ATOSA: variants seen among roughly 807,000 people sequenced by gnomAD.
ATOSA encodes the protein atos homolog A, also known as atos homolog protein A.
the ATOSA span, chr15:52,651,806 G>A: frequency 6.7e-7 from 1 of 1,481,744 alleles, no homozygotes; most frequent in South Asian, 1.2e-5. Flanking sequence ...CAGCCAACTG[G>A]TAAACAGCTA....
At chr15:52,609,783 A>G in the ATOSA span, 1 of 1,613,218 alleles carries the variant, frequency 6.2e-7, no homozygotes, top group Non-Finnish European at 8.5e-7. Context: ...AATGTTGGGC[A>G]ATTCTTGCAA....
the ATOSA span, among the ~76,000 whole-genome samples, chr15:52,645,162 G>A: frequency 3.9e-5 from 6 of 152,246 alleles, no homozygotes; most frequent in Non-Finnish European, 7.3e-5. Flanking sequence ...AATGAGGTCA[G>A]GCGCAGTGGC....
At chr15:52,662,631 A>G in the ATOSA span, among the ~76,000 whole-genome samples, 12 of 150,490 alleles carry the variant, frequency 8.0e-5, no homozygotes, top group East Asian at 3.9e-4. Context: ...TTAGCAGGGC[A>G]CGGTGGCGGG....
At chr15:52,669,591 C>T in the ATOSA span, among the ~76,000 whole-genome samples, 2 of 152,166 alleles carry the variant, frequency 1.3e-5, no homozygotes, top group African/African-American at 4.8e-5. Flanking sequence ...GATACTGACG[C>T]TAAATTAATT....
At chr15:52,675,363 A>T in the ATOSA span, among the ~76,000 whole-genome samples, 1 of 152,168 alleles carries the variant, frequency 6.6e-6, no homozygotes, top group Non-Finnish European at 1.5e-5. Context: ...CCTTCCATAA[A>T]AACAGCCAAT....
At chr15:52,647,214 C>T in the ATOSA span, among the ~76,000 whole-genome samples, 1 of 147,334 alleles carries the variant, frequency 6.8e-6, no homozygotes, top group Non-Finnish European at 1.5e-5. Flanking sequence ...CACCTTCCAG[C>T]AAATTGGAGG....
the ATOSA span, among the ~76,000 whole-genome samples, chr15:52,655,711 GA>G: frequency 2.6e-5 from 4 of 152,084 alleles, no homozygotes; most frequent in African/African-American, 9.7e-5. Context: ...AGGGATAGGG[GA>G]TAATGTTCAG....
At chr15:52,646,712 A>G in the ATOSA span, among the ~76,000 whole-genome samples, 8 of 152,214 alleles carry the variant, frequency 5.3e-5, no homozygotes, top group African/African-American at 1.7e-4. Context: ...TTTAAGCCTC[A>G]ATTTTTAAAT....
At chr15:52,588,982 G>A in the ATOSA span, among the ~76,000 whole-genome samples, 1 of 152,184 alleles carries the variant, frequency 6.6e-6, no homozygotes, top group Non-Finnish European at 1.5e-5. Context: ...GAAGTAAAAA[G>A]GAGTGGATAA....
chr15:52,629,158 G>C, the ATOSA span, among the ~76,000 whole-genome samples: 1 of 152,006 alleles, frequency 6.6e-6, no homozygotes, highest in African/African-American at 2.4e-5. Flanking sequence ...TTTAACTAAA[G>C]GTTTTTTAAA....
At chr15:52,586,599 G>A in the ATOSA span, 2 of 152,452 alleles carry the variant, frequency 1.3e-5, no homozygotes, top group Non-Finnish European at 2.9e-5. Context: ...CCTAGACCAG[G>A]GATGATGAAG....
the ATOSA span, among the ~76,000 whole-genome samples, chr15:52,639,240 A>G: frequency 1.3e-5 from 2 of 152,200 alleles, no homozygotes; most frequent in East Asian, 1.9e-4. Context: ...TGCTAATTCT[A>G]TAATATCATC....
At chr15:52,693,833 A>C in the ATOSA span, among the ~76,000 whole-genome samples, 1 of 152,330 alleles carries the variant, frequency 6.6e-6, no homozygotes, top group Middle Eastern at 3.4e-3. Flanking sequence ...ACACATAAAA[A>C]CTAATACCAA....
the ATOSA span, chr15:52,600,030 T>A: frequency 5.7e-6 from 3 of 525,272 alleles, no homozygotes; most frequent in Non-Finnish European, 1.0e-5. Context: ...CAATTATTTC[T>A]TTCCTTTTCA....
the ATOSA span, among the ~76,000 whole-genome samples, chr15:52,583,333 G>A: frequency 6.6e-6 from 1 of 152,210 alleles, no homozygotes; most frequent in African/African-American, 2.4e-5. Context: ...TAACCAGAGA[G>A]GGTTGAATCT....
At chr15:52,637,853 G>A in the ATOSA span, among the ~76,000 whole-genome samples, 2 of 152,088 alleles carry the variant, frequency 1.3e-5, no homozygotes, top group South Asian at 2.1e-4. Context: ...CTATAAGATG[G>A]AAGCTCTCCC....
chr15:52,709,359 T>C, the ATOSA span, among the ~76,000 whole-genome samples: 4 of 152,202 alleles, frequency 2.6e-5, no homozygotes, highest in Non-Finnish European at 5.9e-5. Flanking sequence ...TTTAATGTAG[T>C]AGAGTGCTTA....
the ATOSA span, among the ~76,000 whole-genome samples, chr15:52,671,240 T>G: frequency 6.6e-6 from 1 of 152,244 alleles, no homozygotes; most frequent in African/African-American, 2.4e-5. Context: ...AACCTTTATT[T>G]AAGTTATGGA....
At chr15:52,600,303 G>A in the ATOSA span, 4 of 948,712 alleles carry the variant, frequency 4.2e-6, no homozygotes, top group Non-Finnish European at 6.5e-6. Context: ...TCTTGAGACA[G>A]GGTCTCACTC....
Sources: gnomAD v4.1 joint callset for allele counts (sites outside exome capture counted in the v4.1 genomes callset) on GRCh38, gnomAD v4.1.1 for gene constraint, MANE v1.5 for transcripts, NCBI Gene and HGNC (gene_info 2026-07-23, HGNC 2026-07-21) for gene names.